The following PLEKHM3 variants were observed in gnomAD, a reference collection of about 807,000 sequenced individuals.
PLEKHM3 encodes pleckstrin homology domain containing M3, also known as pleckstrin homology domain-containing family M member 3.
A neutral mutation model predicts 81.8 loss-of-function variants in PLEKHM3; 45 were observed. The observed-to-expected ratio is 0.55, with a 90% CI of 0.43 to 0.71. The LOEUF is 0.71. PLEKHM3 is among the 30% of genes least tolerant of loss of function. The pLI is 0.00. For missense variants in PLEKHM3, 788 were observed against 924.3 expected (o/e 0.85, Z 1.91); for synonymous variants, 352 against 356.4 (o/e 0.99, Z 0.14).
intron 1 of PLEKHM3, among the ~76,000 whole-genome samples, chr2:208,021,360 A>G (rs1192347596): frequency 6.6e-6 from 1 of 152,196 alleles, no homozygotes; most frequent in Non-Finnish European, 1.5e-5. Flanking sequence ...TCCTTTTTCT[A>G]TTACTTCTAT....
intron 6 of PLEKHM3, among the ~76,000 whole-genome samples, chr2:207,880,275 C>T (rs1176522841): frequency 6.6e-6 from 1 of 152,030 alleles, no homozygotes; most frequent in Non-Finnish European, 1.5e-5. Context: ...GGCGTGGTGG[C>T]ATGTGCCTAT....
chr2:207,846,053 A>C (rs2105893340), intron 7 of PLEKHM3, among the ~76,000 whole-genome samples: 1 of 152,328 alleles, frequency 6.6e-6, no homozygotes, highest in Admixed American at 6.5e-5. Flanking sequence ...GCCTGGTATG[A>C]AGGTCCAGCA....
At chr2:207,893,589 A>G (rs1323495759) in intron 6 of PLEKHM3, among the ~76,000 whole-genome samples, 1 of 152,188 alleles carries the variant, frequency 6.6e-6, no homozygotes, top group Non-Finnish European at 1.5e-5. Context: ...TGACAAGTGT[A>G]TATGTCAATA....
chr2:207,868,479 A>G (rs971533837), intron 6 of PLEKHM3: 1 of 152,150 alleles, frequency 6.6e-6, no homozygotes, highest in African/African-American at 2.4e-5. Flanking sequence ...TCTGAGGACA[A>G]ATTCTAGCTC....
intron 5 of PLEKHM3, among the ~76,000 whole-genome samples, chr2:207,927,726 A>G (rs1689449242): frequency 6.6e-6 from 1 of 151,962 alleles, no homozygotes; most frequent in Non-Finnish European, 1.5e-5. Context: ...GCTACCCAGG[A>G]GGCTGAGGCA....
chr2:207,900,619 A>T (rs1468949913), intron 6 of PLEKHM3: 2 of 152,292 alleles, frequency 1.3e-5, no homozygotes, highest in Non-Finnish European at 2.9e-5. Context: ...GCTGACTTCA[A>T]CAATGCCTAT....
intron 7 of PLEKHM3, among the ~76,000 whole-genome samples, chr2:207,833,523 C>T (rs1341378293): frequency 2.6e-5 from 4 of 151,902 alleles, no homozygotes; most frequent in Non-Finnish European, 5.9e-5. Flanking sequence ...ACATTCATTG[C>T]TTCATGTTTT....
chr2:207,878,179 C>A lies in PLEKHM3; in HGVS notation c.1951-16917G>T, dbSNP rs186822232. 5.3e-5 allele frequency among the ~76,000 whole-genome samples: 8 copies of A among 152,296 alleles called. No individual in the cohort carries two copies. In the East Asian group the frequency reaches 1.5e-3, roughly 29 times the overall value. On this transcript the variant is annotated intron_variant, in intron 6 of 7. Coordinates refer to ENST00000427836, the MANE Select transcript of PLEKHM3 (RefSeq NM_001080475.3). ...TCTCGAACTCATGGGATCAAGTGAT[C>A]CTCCTGCCTTGGCCTCCTAAAGTGT...
chr2:208,007,424 C>T (rs774151539), intron 1 of PLEKHM3, among the ~76,000 whole-genome samples: 4 of 151,976 alleles, frequency 2.6e-5, no homozygotes, highest in South Asian at 2.1e-4. Flanking sequence ...ACAGGCATGC[C>T]GCAAGCAGCT....
At chr2:207,914,348 AT>A (rs566032607) in intron 5 of PLEKHM3, among the ~76,000 whole-genome samples, 106 of 152,234 alleles carry the variant, frequency 7.0e-4, no homozygotes, top group African/African-American at 2.5e-3. Flanking sequence ...ATATAAAAAA[AT>A]TAGCTGGGCA....
chr2:207,965,626 G>A (rs1403492255), intron 3 of PLEKHM3, among the ~76,000 whole-genome samples: 1 of 152,160 alleles, frequency 6.6e-6, no homozygotes. Context: ...TTTAGGATAT[G>A]AAATAGTTTA....
At chr2:207,941,335 C>A (rs569947236) in intron 4 of PLEKHM3, among the ~76,000 whole-genome samples, 1 of 152,252 alleles carries the variant, frequency 6.6e-6, no homozygotes, top group East Asian at 1.9e-4. Context: ...CATTTACAAC[C>A]AACTCATTTT....
At position 207,866,919 on chromosome 2, in the gene PLEKHM3, G is replaced by A. The variant is rs116209510; in HGVS notation, c.1951-5657C>T. Among the ~76,000 whole-genome samples, 281 of 152,158 alleles carry A rather than the reference G, an allele frequency of 1.8e-3. 1 individual carries two copies. The highest frequency in any genetic ancestry group is 5.4e-3 in the African/African-American group (224 of 41,524). ...TTTGTACTCTTTGCTTTTAACATACGATTGTTTTGCTTATCCAATTGTAGA... is the reference window on the plus strand; with the variant it reads ...TTTGTACTCTTTGCTTTTAACATACAATTGTTTTGCTTATCCAATTGTAGA... On this transcript the variant is annotated intron_variant, in intron 6 of 7. Transcript: ENST00000427836.
intron 6 of PLEKHM3, among the ~76,000 whole-genome samples, chr2:207,889,830 G>A (rs1189051895): frequency 2.6e-5 from 4 of 151,918 alleles, no homozygotes; most frequent in East Asian, 1.9e-4. Flanking sequence ...TTGAGACAGA[G>A]TCTCGCTCTG....
intron 2 of PLEKHM3, among the ~76,000 whole-genome samples, chr2:207,990,672 TG>T (rs1559272989): frequency 1.3e-5 from 2 of 152,200 alleles, no homozygotes; most frequent in African/African-American, 4.8e-5. Context: ...GAATCAAAGC[TG>T]GACTGTGTCT....
chr2:207,844,799 C>A (rs2092374433), intron 7 of PLEKHM3, among the ~76,000 whole-genome samples: 1 of 152,142 alleles, frequency 6.6e-6, no homozygotes, highest in South Asian at 2.1e-4. Context: ...GATTTCAGGG[C>A]TACTGCTGTG....
chr2:207,883,157 G>A (rs1687758064), intron 6 of PLEKHM3, among the ~76,000 whole-genome samples: 1 of 152,200 alleles, frequency 6.6e-6, no homozygotes, highest in African/African-American at 2.4e-5. Flanking sequence ...TCCCCCTAAA[G>A]GAAGTGGCTG....
intron 6 of PLEKHM3, among the ~76,000 whole-genome samples, chr2:207,865,804 ATAT>A (rs1559212881): frequency 0.18 from 5,569 of 30,540 alleles, 1,215 homozygotes; most frequent in Non-Finnish European, 0.25. Flanking sequence ...AAAAAAAAAG[ATAT>A]ATATATATAT....
Position 207,830,512 on chromosome 2 carries a change from C to T in PLEKHM3, c.2109-2016G>A, listed in dbSNP as rs1401799836. 2.0e-5 allele frequency among the ~76,000 whole-genome samples: 3 copies of T among 151,258 alleles called. No individual in the cohort carries two copies. In the East Asian group the frequency reaches 5.8e-4, roughly 29 times the overall value. ...CCTGTAATCCCAGCTACTCGGGAGG[C>T]TGAGGCAGGAGAATTGCTTGAACCC... On this transcript the variant is annotated intron_variant, in intron 7 of 7. Transcript: ENST00000427836.
Sources: gnomAD v4.1 joint callset for allele counts (sites outside exome capture counted in the v4.1 genomes callset) on GRCh38, gnomAD v4.1.1 for gene constraint, MANE v1.5 for transcripts, NCBI Gene and HGNC (gene_info 2026-07-23, HGNC 2026-07-21) for gene names.